The following PAFAH1B1 variants were observed in gnomAD, a reference collection of about 807,000 sequenced individuals.
PAFAH1B1 encodes platelet-activating factor acetylhydrolase IB subunit beta.
PAFAH1B1 carries 2 observed loss-of-function variants against 57.5 expected under a neutral mutation model. The observed-to-expected ratio is 0.03, with a 90% CI of 0.01 to 0.11. The LOEUF (loss-of-function observed/expected upper bound fraction) is 0.11. PAFAH1B1 is among the 10% of genes least tolerant of loss of function. The pLI, the probability that PAFAH1B1 is intolerant of heterozygous loss-of-function variation, is 1.00. For synonymous variants in PAFAH1B1, 152 were observed against 169.6 expected (o/e 0.90, Z 0.81); for missense variants, 257 against 512.0 (o/e 0.50, Z 4.81).
intron 2 of PAFAH1B1, among the ~76,000 whole-genome samples, chr17:2,662,798 G>T (rs566480279): frequency 6.6e-6 from 1 of 152,102 alleles, no homozygotes; most frequent in African/African-American, 2.4e-5. Flanking sequence ...TTTCAAAGAG[G>T]TGAAGATTCC....
intron 9 of PAFAH1B1, among the ~76,000 whole-genome samples, chr17:2,678,771 G>A (rs2069316058): frequency 6.6e-6 from 1 of 152,048 alleles, no homozygotes; most frequent in Admixed American, 6.6e-5. Flanking sequence ...TATAGTCCTA[G>A]CTACTTGGGA....
At chr17:2,650,642 A>G in intron 2 of PAFAH1B1, among the ~76,000 whole-genome samples, 1 of 79,642 alleles carries the variant, frequency 1.3e-5, no homozygotes, top group Admixed American at 1.1e-4. Context: ...TCTGTCTCAA[A>G]AAAAAAAAAA....
chr17:2,639,548 A>G (rs1259974754), intron 2 of PAFAH1B1: 1 of 152,108 alleles, frequency 6.6e-6, no homozygotes. Context: ...GCTTCACCTG[A>G]CTAGCTTTAA....
intron 1 of PAFAH1B1, among the ~76,000 whole-genome samples, chr17:2,623,482 T>C (rs527410859): frequency 1.4e-4 from 22 of 152,002 alleles, no homozygotes; most frequent in Non-Finnish European, 1.2e-4. Context: ...ATGGTCTCAA[T>C]CTCCTGACCT....
At chr17:2,639,484 T>C (rs2068668920) in intron 2 of PAFAH1B1, 1 of 152,198 alleles carries the variant, frequency 6.6e-6, no homozygotes, top group South Asian at 2.1e-4. Flanking sequence ...TTAGAGTATT[T>C]TATAGCATTC....
intron 1 of PAFAH1B1, among the ~76,000 whole-genome samples, chr17:2,618,460 C>A (rs1316389363): frequency 6.6e-6 from 1 of 152,054 alleles, no homozygotes; most frequent in Non-Finnish European, 1.5e-5. Context: ...AAAGATTGAT[C>A]TAAGGAAATG....
In PAFAH1B1 at chr17:2,680,251, G is replaced by A. The variant is rs768778197; in HGVS notation, c.1090G>A (p.Val364Ile). ...TTGTGCTGATGACAAGACCCTACGCGTATGGGATTACAAGAACAAGCGATG... is the reference window on the plus strand; with the variant it reads ...TTGTGCTGATGACAAGACCCTACGCATATGGGATTACAAGAACAAGCGATG... Reference protein sequence around the residue: ...LSCADDKTLRVWDYKNKRCMK... With the variant: ...LSCADDKTLRIWDYKNKRCMK... The change falls in exon 10 of 11, where the codon GTA (valine) becomes ATA (isoleucine). Residue 364 changes from valine (V) to isoleucine (I), a missense_variant. By Grantham distance (29) the Val-to-Ile change is conservative. Transcript: ENST00000397195. 30 of 1,613,928 alleles carry A rather than the reference G, an allele frequency of 1.9e-5. No homozygotes were observed. Among genetic ancestry groups the A allele is most frequent in the Middle Eastern group, 1.6e-4 (1 of 6,084 alleles).
chr17:2,636,519 G>C (rs1195851274), intron 1 of PAFAH1B1, among the ~76,000 whole-genome samples: 1 of 151,956 alleles, frequency 6.6e-6, no homozygotes, highest in African/African-American at 2.4e-5. Context: ...GTAGCATGTT[G>C]GCTCACTGCA....
At chr17:2,625,410 T>C (rs951342349) in intron 1 of PAFAH1B1, among the ~76,000 whole-genome samples, 1 of 152,252 alleles carries the variant, frequency 6.6e-6, no homozygotes, top group African/African-American at 2.4e-5. Flanking sequence ...TTAAAATACA[T>C]GCAATATTTT....
At chr17:2,657,485 C>T (rs1417950753) in intron 2 of PAFAH1B1, among the ~76,000 whole-genome samples, 1 of 152,210 alleles carries the variant, frequency 6.6e-6, no homozygotes, top group African/African-American at 2.4e-5. Context: ...CTCAAGTGAT[C>T]CACCCACCTC....
intron 2 of PAFAH1B1, among the ~76,000 whole-genome samples, chr17:2,644,234 T>G (rs1291705575): frequency 6.6e-6 from 1 of 151,982 alleles, no homozygotes; most frequent in African/African-American, 2.4e-5. Flanking sequence ...AAGTTTTTCC[T>G]TATTTTTCTT....
chr17:2,626,266 TTA>T (rs1477165018), intron 1 of PAFAH1B1, among the ~76,000 whole-genome samples: 1 of 151,266 alleles, frequency 6.6e-6, no homozygotes, highest in Non-Finnish European at 1.5e-5. Context: ...AAAAAAAAAA[TTA>T]TTTCTGTTTT....
At chr17:2,596,904 C>CA (rs1169306226) in intron 1 of PAFAH1B1, among the ~76,000 whole-genome samples, 1 of 151,952 alleles carries the variant, frequency 6.6e-6, no homozygotes, top group Non-Finnish European at 1.5e-5. Context: ...ACTAAAAATA[C>CA]AAAAAAATTA....
At chr17:2,623,259 T>G (rs2068446541) in intron 1 of PAFAH1B1, among the ~76,000 whole-genome samples, 1 of 128,302 alleles carries the variant, frequency 7.8e-6, no homozygotes, top group Non-Finnish European at 1.6e-5. Flanking sequence ...GGTTTTTCCT[T>G]TCTTTTTTTT....
intron 2 of PAFAH1B1, among the ~76,000 whole-genome samples, chr17:2,657,055 T>G (rs2068945334): frequency 1.3e-5 from 2 of 151,952 alleles, no homozygotes; most frequent in Non-Finnish European, 2.9e-5. Flanking sequence ...ACTAGAGCAG[T>G]TTTAAGTAAT....
rs574213916 is a variant in PAFAH1B1, at chr17:2,651,509, T to G, written c.32+13189T>G. On this transcript the variant is annotated intron_variant, in intron 2 of 10. Transcript: ENST00000397195. ...CTGAGGCAGGAGAACCTCTTGAGCC[T>G]GGGAGGTAGAGGCTGCAGTGAGCCG... Among the ~76,000 whole-genome samples the G allele has an allele frequency of 2.0e-5, 3 of 149,970 alleles. No individual in the cohort carries two copies. The South Asian group carries it at 6.3e-4, about 32-fold the overall frequency.
intron 1 of PAFAH1B1, among the ~76,000 whole-genome samples, chr17:2,595,131 T>C (rs1245117643): frequency 6.6e-6 from 1 of 152,122 alleles, no homozygotes; most frequent in Non-Finnish European, 1.5e-5. Flanking sequence ...TCGTTCTCAA[T>C]GGGCGATGTC....
At chr17:2,630,102 G>A (rs564789699) in intron 1 of PAFAH1B1, among the ~76,000 whole-genome samples, 1 of 152,278 alleles carries the variant, frequency 6.6e-6, no homozygotes, top group East Asian at 1.9e-4. Flanking sequence ...GTATTGAAAT[G>A]TGAGGTACCG....
Position 2,671,915 on chromosome 17 carries a change from CAG to C in PAFAH1B1, c.569-736_569-735del, listed in dbSNP as rs201892471. 9.6e-3 allele frequency among the ~76,000 whole-genome samples: 1,457 copies of C among 151,752 alleles called. 28 individuals carry two copies. Among genetic ancestry groups the C allele is most frequent in the African/African-American group, 0.033 (1,380 of 41,424 alleles). On this transcript the variant is annotated intron_variant, in intron 6 of 10. Transcript: ENST00000397195. ...ACTGCGCCTGGCCCACCATTTTAAA[CAG>C]AGAACCAATTCCCCATTTTTTGTAT...
Sources: gnomAD v4.1 joint callset for allele counts (sites outside exome capture counted in the v4.1 genomes callset) on GRCh38, gnomAD v4.1.1 for gene constraint, MANE v1.5 for transcripts, NCBI Gene and HGNC (gene_info 2026-07-23, HGNC 2026-07-21) for gene names.